FSTL5: variants seen among roughly 807,000 people sequenced by gnomAD.
FSTL5 encodes follistatin-related protein 5.
Under a neutral mutation model 89.1 loss-of-function variants are expected in FSTL5, and 62 were observed. The ratio of observed to expected loss-of-function variants is 0.70; its 90% CI spans 0.57 to 0.86. The LOEUF (loss-of-function observed/expected upper bound fraction) is 0.86, where lower values mean the gene tolerates loss of function less well. FSTL5 is among the 40% of genes least tolerant of loss of function. The probability of loss-of-function intolerance (pLI) is 0.00; values close to 1 mark genes in which losing one functional copy is unlikely to be tolerated. For synonymous variants in FSTL5, 383 were observed against 346.2 expected, an observed-to-expected ratio of 1.11 and a Z score of -1.18; for missense variants, 1,057 against 1,001.6, an observed-to-expected ratio of 1.06 and a Z score of -0.75.
intron 6 of FSTL5, among the ~76,000 whole-genome samples, chr4:161,703,007 A>G (rs1207347636): frequency 2.0e-5 from 3 of 152,080 alleles, no homozygotes; most frequent in Non-Finnish European, 4.4e-5. Context: ...TGATGTCCTT[A>G]TAAGAGGAGG....
chr4:161,561,075 C>T (rs1395195444), intron 8 of FSTL5, among the ~76,000 whole-genome samples: 2 of 151,822 alleles, frequency 1.3e-5, no homozygotes, highest in Admixed American at 6.6e-5. Context: ...ACAATAGCTA[C>T]GACGTCCCTA....
At position 162,018,472 on chromosome 4, in the gene FSTL5, T is replaced by C. The variant is rs542531684; in HGVS notation, c.160+15153A>G. On this transcript the variant is annotated intron_variant, in intron 3 of 15. Coordinates refer to ENST00000306100, the MANE Select transcript of FSTL5 (RefSeq NM_020116.5). ...TTTGAATTTGTGAATAATTATTTCCTCATTTTGCAGCATATTGTGTAAGAG... is the reference window on the plus strand; with the variant it reads ...TTTGAATTTGTGAATAATTATTTCCCCATTTTGCAGCATATTGTGTAAGAG... Among the ~76,000 whole-genome samples, 4 of 152,286 alleles carry C rather than the reference T, an allele frequency of 2.6e-5. No homozygotes were observed. The East Asian group carries it at 7.7e-4, about 29-fold the overall frequency.
intron 4 of FSTL5, among the ~76,000 whole-genome samples, chr4:161,871,890 A>G (rs1732273524): frequency 6.6e-6 from 1 of 152,202 alleles, no homozygotes; most frequent in African/African-American, 2.4e-5. Flanking sequence ...CATGAAATCT[A>G]TCACTGTATT....
chr4:161,573,733 C>CAAAAAAAAAAAAAAA (rs70937664), intron 8 of FSTL5, among the ~76,000 whole-genome samples: 5 of 50,622 alleles, frequency 9.9e-5, no homozygotes, highest in East Asian at 6.8e-4. Flanking sequence ...AACTCCAGCT[C>CAAAAAAAAAAAAAAA]AAAAAAAAAA....
At chr4:162,026,620 C>T (rs1737306614) in intron 3 of FSTL5, among the ~76,000 whole-genome samples, 1 of 151,882 alleles carries the variant, frequency 6.6e-6, no homozygotes, top group South Asian at 2.1e-4. Context: ...ACAAACCTTC[C>T]ACTAGAAAGC....
intron 3 of FSTL5, among the ~76,000 whole-genome samples, chr4:162,029,160 AGAGAGAGTGT>A (rs1348051515): frequency 6.3e-4 from 76 of 121,242 alleles, no homozygotes; most frequent in Non-Finnish European, 8.8e-4. Context: ...AGAGAGAGAG[AGAGAGAGTGT>A]GTGTGTGTGT....
At chr4:162,077,172 G>T (rs935875978) in intron 2 of FSTL5, among the ~76,000 whole-genome samples, 1 of 151,812 alleles carries the variant, frequency 6.6e-6, no homozygotes, top group African/African-American at 2.4e-5. Context: ...GGGCCTTCTT[G>T]CTGTGGTCTT....
At chr4:161,914,805 G>C (rs1356094604) in intron 4 of FSTL5, among the ~76,000 whole-genome samples, 1 of 152,126 alleles carries the variant, frequency 6.6e-6, no homozygotes, top group Non-Finnish European at 1.5e-5. Flanking sequence ...ATAATCAAAT[G>C]TGTACATTTA....
At chr4:162,008,212 C>T (rs1297848442) in intron 3 of FSTL5, among the ~76,000 whole-genome samples, 1 of 151,660 alleles carries the variant, frequency 6.6e-6, no homozygotes, top group Non-Finnish European at 1.5e-5. Context: ...ACAAGTCTTG[C>T]CAACAAATCT....
At chr4:162,148,914 C>A (rs1286185708) in intron 1 of FSTL5, among the ~76,000 whole-genome samples, 1 of 152,064 alleles carries the variant, frequency 6.6e-6, no homozygotes, top group Admixed American at 6.6e-5. Context: ...TTAGTAGGCA[C>A]CCTGAAAGGA....
At chr4:161,705,924 A>ACATATGC (rs1553959891) in intron 6 of FSTL5, among the ~76,000 whole-genome samples, 2 of 131,690 alleles carry the variant, frequency 1.5e-5, no homozygotes, top group Non-Finnish European at 3.2e-5. Context: ...AAAGAAAAAT[A>ACATATGC]CATATGCATG....
At chr4:161,495,167 T>C (rs1730022083) in intron 12 of FSTL5, 1 of 152,112 alleles carries the variant, frequency 6.6e-6, no homozygotes, top group South Asian at 2.1e-4. Context: ...TTAAAGTTAT[T>C]TTAGGACCCA....
At chr4:161,582,446 C>G (rs1733469424) in intron 8 of FSTL5, among the ~76,000 whole-genome samples, 1 of 152,060 alleles carries the variant, frequency 6.6e-6, no homozygotes, top group Non-Finnish European at 1.5e-5. Flanking sequence ...TCCTCGTTCC[C>G]AACTACTGTT....
chr4:162,029,906 C>CTTT (rs67266989), intron 3 of FSTL5, among the ~76,000 whole-genome samples: 18 of 144,232 alleles, frequency 1.2e-4, no homozygotes, highest in African/African-American at 4.5e-4. Context: ...AAATTATTTC[C>CTTT]TTTTTTTTTT....
At chr4:162,041,375 C>G (rs190915046) in intron 2 of FSTL5, among the ~76,000 whole-genome samples, 1 of 152,042 alleles carries the variant, frequency 6.6e-6, no homozygotes, top group East Asian at 1.9e-4. Flanking sequence ...GGTTAAGTTA[C>G]TAAATAAGGT....
chr4:162,143,336 T>C (rs1732824215), intron 1 of FSTL5, among the ~76,000 whole-genome samples: 1 of 152,134 alleles, frequency 6.6e-6, no homozygotes, highest in South Asian at 2.1e-4. Flanking sequence ...AAATTCCATT[T>C]GATTTAATTC....
At chr4:162,037,423 T>G (rs1037269610) in intron 2 of FSTL5, among the ~76,000 whole-genome samples, 4 of 151,922 alleles carry the variant, frequency 2.6e-5, no homozygotes, top group Admixed American at 2.6e-4. Context: ...AGATTTTAAG[T>G]GCATGGCTTT....
At chr4:161,921,964 T>G (rs2110867237) in intron 3 of FSTL5, among the ~76,000 whole-genome samples, 1 of 152,238 alleles carries the variant, frequency 6.6e-6, no homozygotes, top group African/African-American at 2.4e-5. Context: ...AATGGAAATG[T>G]ATTTAAGTAA....
intron 4 of FSTL5, among the ~76,000 whole-genome samples, chr4:161,869,112 A>C (rs1428383203): frequency 1.3e-5 from 2 of 152,118 alleles, no homozygotes; most frequent in African/African-American, 4.8e-5. Context: ...AGGCAGGAGA[A>C]TGGCTTGAAC....
Sources: gnomAD v4.1 joint callset for allele counts (sites outside exome capture counted in the v4.1 genomes callset) on GRCh38, gnomAD v4.1.1 for gene constraint, MANE v1.5 for transcripts, NCBI Gene and HGNC (gene_info 2026-07-23, HGNC 2026-07-21) for gene names.